The following ACYP2 variants were observed in gnomAD, a reference collection of about 807,000 sequenced individuals.
ACYP2 encodes the protein acylphosphatase 2.
In ACYP2, 12 loss-of-function variants were observed where a neutral mutation model predicts 11.2. The ratio of observed to expected loss-of-function variants is 1.08; its 90% CI spans 0.69 to 1.74. ACYP2 has a LOEUF of 1.74. Ranked by LOEUF, ACYP2 falls within the 40% of genes most tolerant of loss-of-function variation. ACYP2 has a pLI of 0.00. For synonymous variants in ACYP2, 43 were observed against 32.2 expected (o/e 1.33, Z -1.13); for missense variants, 134 against 101.9 (o/e 1.31, Z -1.35).
rs377470521 is a variant in ACYP2, at chr2:54,239,302, A to G, written c.405-65386A>G. Among the ~76,000 whole-genome samples, 14 of 152,292 alleles carry G rather than the reference A, an allele frequency of 9.2e-5. No individual in the cohort carries two copies. The East Asian group carries it at 9.7e-4, about 11-fold the overall frequency. ...GATCCTGCCTGAAAGGAAAGAGGCC[A>G]TACTGTGATATTTCACTGCTTATAA... On this transcript the variant is annotated intron_variant, in intron 6 of 6. Transcript: ENST00000607452.
intron 6 of ACYP2, among the ~76,000 whole-genome samples, chr2:54,147,644 C>T (rs1205129189): frequency 6.6e-6 from 1 of 152,110 alleles, no homozygotes; most frequent in Admixed American, 6.5e-5. Flanking sequence ...CTTACCTCAG[C>T]CTCCCGAGTA....
At chr2:54,180,570 T>G (rs1370212780) in intron 6 of ACYP2, among the ~76,000 whole-genome samples, 1 of 152,200 alleles carries the variant, frequency 6.6e-6, no homozygotes, top group African/African-American at 2.4e-5. Flanking sequence ...TTTCTTTCTT[T>G]TTGAGACAGA....
chr2:54,240,825 T>C (rs1276739962), intron 6 of ACYP2, among the ~76,000 whole-genome samples: 1 of 152,220 alleles, frequency 6.6e-6, no homozygotes, highest in East Asian at 1.9e-4. Context: ...TTTTCCTTGC[T>C]TCAGTGGCTT....
intron 4 of ACYP2, among the ~76,000 whole-genome samples, chr2:54,131,779 C>T (rs1680913897): frequency 6.6e-6 from 1 of 152,104 alleles, no homozygotes; most frequent in Admixed American, 6.6e-5. Context: ...CTCTCCCAGA[C>T]CTTTCTTTAA....
intron 4 of ACYP2, among the ~76,000 whole-genome samples, chr2:54,101,287 T>C (rs1053534023): frequency 2.6e-5 from 4 of 152,226 alleles, no homozygotes; most frequent in Admixed American, 2.0e-4. Flanking sequence ...TCTTTTTTTT[T>C]ACTGTAATAA....
At chr2:54,179,539 A>G (rs926467772) in intron 6 of ACYP2, among the ~76,000 whole-genome samples, 1 of 152,142 alleles carries the variant, frequency 6.6e-6, no homozygotes, top group African/African-American at 2.4e-5. Context: ...CCCACTTTTT[A>G]TGGTTATTTC....
chr2:54,255,135 G>A (rs867939731), intron 6 of ACYP2: 1 of 1,614,168 alleles, frequency 6.2e-7, no homozygotes, highest in Non-Finnish European at 8.5e-7. Context: ...TCCTATGAAT[G>A]AAGGACTGGG....
At chr2:54,195,215 C>T (rs698749) in intron 6 of ACYP2, among the ~76,000 whole-genome samples, 1 of 152,186 alleles carries the variant, frequency 6.6e-6, no homozygotes, top group Non-Finnish European at 1.5e-5. Flanking sequence ...TTGTTAGATT[C>T]TATGGTATAG....
At chr2:54,100,851 G>A (rs1678854055) in intron 4 of ACYP2, among the ~76,000 whole-genome samples, 1 of 152,204 alleles carries the variant, frequency 6.6e-6, no homozygotes, top group Non-Finnish European at 1.5e-5. Flanking sequence ...AATGAGGCTG[G>A]AACAGTCAAC....
intron 4 of ACYP2, among the ~76,000 whole-genome samples, chr2:54,067,480 A>T (rs530678293): frequency 1.3e-5 from 2 of 152,332 alleles, no homozygotes; most frequent in Admixed American, 6.5e-5. Flanking sequence ...TAACTTAAGG[A>T]TCTGTAGTTA....
At chr2:54,203,743 A>G (rs1160851986) in intron 6 of ACYP2, among the ~76,000 whole-genome samples, 1 of 151,102 alleles carries the variant, frequency 6.6e-6, no homozygotes, top group African/African-American at 2.4e-5. Context: ...TTCTACTAAT[A>G]TGGTATATTA....
intron 2 of ACYP2, among the ~76,000 whole-genome samples, chr2:54,037,460 A>T (rs1342719198): frequency 6.6e-6 from 1 of 152,042 alleles, no homozygotes; most frequent in Admixed American, 6.6e-5. Context: ...ACCCAGGCTG[A>T]GGTGCAGTGG....
chr2:54,135,475 TC>T lies in ACYP2; in HGVS notation c.294+7del. Reference sequence around the variant, plus strand: ...CAGGTGTTTGCTTCAGAATGGTAAGTCAGTACAATCTTTATTATTTTGCTAT... The same window carrying T: ...CAGGTGTTTGCTTCAGAATGGTAAGTAGTACAATCTTTATTATTTTGCTAT... On this transcript the variant is annotated splice_region_variant and intron_variant, in intron 5 of 6. Transcript: ENST00000607452. 1 of 1,606,488 alleles carries T rather than the reference TC, an allele frequency of 6.2e-7. No homozygotes were observed. The highest frequency in any genetic ancestry group is 1.3e-5 in the African/African-American group (1 of 74,734).
chr2:54,132,453 G>A (rs1680960135), intron 4 of ACYP2, among the ~76,000 whole-genome samples: 1 of 151,992 alleles, frequency 6.6e-6, no homozygotes. Flanking sequence ...TGTCTTCATT[G>A]CTTTGCTGCT....
chr2:54,201,602 T>TTCTG (rs1193045909), intron 6 of ACYP2, among the ~76,000 whole-genome samples: 8 of 86,272 alleles, frequency 9.3e-5, no homozygotes, highest in African/African-American at 3.6e-4. Context: ...TTCTCTTTCT[T>TTCTG]TCTTTCTTTC....
At chr2:54,156,633 C>T (rs988817185) in intron 6 of ACYP2, among the ~76,000 whole-genome samples, 11 of 151,236 alleles carry the variant, frequency 7.3e-5, no homozygotes, top group African/African-American at 2.7e-4. Context: ...ATAGTGTAGA[C>T]GAGCATGAAA....
chr2:54,099,114 C>T (rs1005126739), intron 4 of ACYP2, among the ~76,000 whole-genome samples: 6 of 152,156 alleles, frequency 3.9e-5, no homozygotes, highest in Non-Finnish European at 7.3e-5. Flanking sequence ...TTCCCTTCAC[C>T]TGCTGTTCCT....
rs572072775 is a variant in ACYP2, at chr2:54,138,016, C to T, written c.295-623C>T. On this transcript the variant is annotated intron_variant, in intron 5 of 6. Transcript: ENST00000607452. ...GGTATCTCATTGTGGTTTTCATTTG[C>T]ATTTCTCTAATGATTGGTGATATTG... 2.0e-5 allele frequency among the ~76,000 whole-genome samples: 3 copies of T among 152,296 alleles called. No individual in the cohort carries two copies. In the East Asian group the frequency reaches 5.8e-4, roughly 29 times the overall value.
chr2:54,218,660 G>GACAC (rs1558621289), intron 6 of ACYP2, among the ~76,000 whole-genome samples: 1 of 151,904 alleles, frequency 6.6e-6, no homozygotes, highest in Non-Finnish European at 1.5e-5. Context: ...CAAATAACAA[G>GACAC]AAGCCTAGAG....
Sources: allele counts gnomAD v4.1 joint callset (sites outside exome capture counted in the v4.1 genomes callset), GRCh38; gene constraint gnomAD v4.1.1; transcripts MANE v1.5; gene names NCBI Gene and HGNC (gene_info 2026-07-23, HGNC 2026-07-21).